The following RAP1GDS1 variants were observed in gnomAD, a reference collection of about 807,000 sequenced individuals.
RAP1GDS1 encodes Rap1 GTPase-GDP dissociation stimulator 1.
RAP1GDS1 carries 35 observed loss-of-function variants against 71.1 expected under a neutral mutation model. That is an observed-to-expected ratio of 0.49 (90% CI 0.38 to 0.65). The LOEUF is 0.65. RAP1GDS1 is among the 30% of genes least tolerant of loss of function. The probability of loss-of-function intolerance (pLI) is 0.00; values close to 1 mark genes in which losing one functional copy is unlikely to be tolerated. For missense variants in RAP1GDS1, 663 were observed against 706.1 expected (o/e 0.94, Z 0.69); for synonymous variants, 229 against 243.1 (o/e 0.94, Z 0.54).
In RAP1GDS1 at chr4:98,422,093, G is replaced by A. The variant is rs925855573; in HGVS notation, c.1440+699G>A. ...CGGGCACCTGTAGTCCCAGCTACTCGGGAGGCTGAGGCAGGAGAATGGCGT... is the reference window on the plus strand; with the variant it reads ...CGGGCACCTGTAGTCCCAGCTACTCAGGAGGCTGAGGCAGGAGAATGGCGT... On this transcript the variant is annotated intron_variant, in intron 12 of 14. Transcript: ENST00000408927. Among the ~76,000 whole-genome samples, 11 of 151,942 alleles carry A rather than the reference G, an allele frequency of 7.2e-5. No individual in the cohort carries two copies. The South Asian group carries it at 1.0e-3, about 14-fold the overall frequency.
chr4:98,406,994 A>C (rs899349013), intron 7 of RAP1GDS1, among the ~76,000 whole-genome samples: 5 of 152,122 alleles, frequency 3.3e-5, no homozygotes, highest in African/African-American at 4.8e-5. Flanking sequence ...ATTCAGAGGG[A>C]AATTTTTTGC....
intron 5 of RAP1GDS1, among the ~76,000 whole-genome samples, chr4:98,379,974 A>G (rs1741742437): frequency 6.6e-6 from 1 of 150,546 alleles, no homozygotes; most frequent in Non-Finnish European, 1.5e-5. Context: ...GACATGCAGT[A>G]TTATTCTTTA....
intron 7 of RAP1GDS1, among the ~76,000 whole-genome samples, chr4:98,405,543 G>T (rs1187132183): frequency 1.3e-5 from 2 of 152,006 alleles, no homozygotes; most frequent in Non-Finnish European, 2.9e-5. Context: ...GGAGGGGAGT[G>T]TGCAGAGGCA....
chr4:98,366,509 C>T lies in RAP1GDS1; in HGVS notation c.362-12508C>T, dbSNP rs148654741. Among the ~76,000 whole-genome samples, 660 of 152,130 alleles carry T rather than the reference C, an allele frequency of 4.3e-3. 4 individuals carry two copies. Among genetic ancestry groups the T allele is most frequent in the African/African-American group, 0.015 (612 of 41,506 alleles). Reference sequence around the variant, plus strand: ...GAAAAGATACCCGAAAATGTGGAAGCGACTTTGGAACTGGGTAGTAGGAAG... The same window carrying T: ...GAAAAGATACCCGAAAATGTGGAAGTGACTTTGGAACTGGGTAGTAGGAAG... On this transcript the variant is annotated intron_variant, in intron 4 of 14. Transcript: ENST00000408927.
At chr4:98,271,872 A>G (rs1723509016) in intron 1 of RAP1GDS1, among the ~76,000 whole-genome samples, 1 of 152,306 alleles carries the variant, frequency 6.6e-6, no homozygotes, top group Non-Finnish European at 1.5e-5. Context: ...TAATTTATCC[A>G]AGGGGACAAC....
Position 98,392,157 on chromosome 4 carries a change from A to C in RAP1GDS1, c.637+77A>C, listed in dbSNP as rs541218304. ...AATAAATTTTTCTGTAGATATTAAGAAGCTAGAAATCCATTTAGATTGTAT... is the reference window on the plus strand; with the variant it reads ...AATAAATTTTTCTGTAGATATTAAGCAGCTAGAAATCCATTTAGATTGTAT... On this transcript the variant is annotated intron_variant, in intron 6 of 14. Coordinates refer to ENST00000408927, the MANE Select transcript of RAP1GDS1 (RefSeq NM_001100427.2). The C allele has an allele frequency of 2.2e-4, 287 of 1,329,358 alleles. 5 individuals carry two copies. In the South Asian group the frequency reaches 4.2e-3, roughly 20 times the overall value. 82.3% of individuals were successfully genotyped at this position (1,329,358 alleles called of 1,614,324 possible).
chr4:98,270,049 G>T (rs1034466929), intron 1 of RAP1GDS1, among the ~76,000 whole-genome samples: 2 of 152,114 alleles, frequency 1.3e-5, no homozygotes, highest in Non-Finnish European at 2.9e-5. Context: ...TGCAGGTTTG[G>T]TCTTTGGTTT....
chr4:98,442,344 A>G lies in RAP1GDS1; in HGVS notation c.*227A>G, dbSNP rs551047577. 4.3e-6 allele frequency: 2 copies of G among 462,512 alleles called. No homozygotes were observed. Among genetic ancestry groups the G allele is most frequent in the African/African-American group, 3.9e-5 (2 of 51,844 alleles). The allele number at this position is 462,512 out of a possible 1,614,324, so 28.7% of individuals were successfully genotyped here. On this transcript the variant is annotated 3_prime_UTR_variant, in exon 15 of 15. Transcript: ENST00000408927. Reference sequence around the variant, plus strand: ...TCTCCACCCATAACCGTTCTCTTGTATTCCTGTTGCTTGAGCTACATTAAG... The same window carrying G: ...TCTCCACCCATAACCGTTCTCTTGTGTTCCTGTTGCTTGAGCTACATTAAG...
At chr4:98,410,533 C>T (rs762467696) in intron 7 of RAP1GDS1, among the ~76,000 whole-genome samples, 1 of 152,000 alleles carries the variant, frequency 6.6e-6, no homozygotes, top group Non-Finnish European at 1.5e-5. Flanking sequence ...AGCTTGTGCA[C>T]ATGTATACCA....
At chr4:98,266,067 A>G (rs1370932218) in intron 1 of RAP1GDS1, among the ~76,000 whole-genome samples, 1 of 152,152 alleles carries the variant, frequency 6.6e-6, no homozygotes, top group Non-Finnish European at 1.5e-5. Flanking sequence ...TGCATGACAG[A>G]TATTACATTT....
intron 4 of RAP1GDS1, among the ~76,000 whole-genome samples, chr4:98,369,502 G>A (rs1374243787): frequency 6.6e-6 from 1 of 152,068 alleles, no homozygotes; most frequent in Non-Finnish European, 1.5e-5. Context: ...AGATATAGCG[G>A]TATATCCAAA....
In RAP1GDS1 at chr4:98,379,171, A is replaced by T; in HGVS notation, c.508+8A>T. 2 of 1,561,534 alleles carry T rather than the reference A, an allele frequency of 1.3e-6. No individual in the cohort carries two copies. On this transcript the variant is annotated splice_region_variant and intron_variant, in intron 5 of 14. Transcript: ENST00000408927. ...ACTATAGCAATGAGAATGGTAAACA[A>T]AACTGAAAACTTGCTTTATCTCTGG...
At chr4:98,348,949 A>T (rs1362157492) in intron 3 of RAP1GDS1, among the ~76,000 whole-genome samples, 4 of 152,074 alleles carry the variant, frequency 2.6e-5, no homozygotes, top group Non-Finnish European at 5.9e-5. Context: ...TTTCTTTTGC[A>T]ATGCAGAAGC....
At chr4:98,296,939 C>G (rs575147384) in intron 2 of RAP1GDS1, 109 of 346,730 alleles carry the variant, frequency 3.1e-4, no homozygotes, top group Non-Finnish European at 4.8e-4. Context: ...TTTTGTGTTG[C>G]CGGGGGGACC....
chr4:98,323,900 A>AT (rs1413605235), intron 2 of RAP1GDS1, among the ~76,000 whole-genome samples: 37 of 139,558 alleles, frequency 2.7e-4, no homozygotes, highest in South Asian at 9.9e-4. Context: ...CCTATTCAAC[A>AT]TAGTGTTGGA....
In RAP1GDS1 at chr4:98,406,672, C is replaced by T. The variant is rs1443822555; in HGVS notation, c.763+2070C>T. Among the ~76,000 whole-genome samples, 8 of 151,956 alleles carry T rather than the reference C, an allele frequency of 5.3e-5. No homozygotes were observed. In the East Asian group the frequency reaches 1.5e-3, roughly 29 times the overall value. On this transcript the variant is annotated intron_variant, in intron 7 of 14. Transcript: ENST00000408927. Reference sequence around the variant, plus strand: ...TGATTAAGACAATTGATTTAATGGACCTATTTTAGAACACTTCAACTACAG... The same window carrying T: ...TGATTAAGACAATTGATTTAATGGATCTATTTTAGAACACTTCAACTACAG...
intron 4 of RAP1GDS1, among the ~76,000 whole-genome samples, chr4:98,370,144 T>TCTG (rs1740147374): frequency 6.6e-6 from 1 of 152,226 alleles, no homozygotes; most frequent in Non-Finnish European, 1.5e-5. Flanking sequence ...TGTCTTTGTA[T>TCTG]TCTCAGGACC....
At chr4:98,321,741 G>A (rs1282093020) in intron 2 of RAP1GDS1, among the ~76,000 whole-genome samples, 6 of 114,204 alleles carry the variant, frequency 5.3e-5, no homozygotes, top group Non-Finnish European at 1.8e-5. Context: ...TCACCACCAG[G>A]CCTGCCCTAA....
intron 1 of RAP1GDS1, among the ~76,000 whole-genome samples, chr4:98,280,237 C>T (rs1355000780): frequency 2.6e-5 from 4 of 152,102 alleles, no homozygotes; most frequent in Non-Finnish European, 5.9e-5. Context: ...AGTGTAAAAG[C>T]ATTCTTATTT....
Sources: allele counts gnomAD v4.1 joint callset (sites outside exome capture counted in the v4.1 genomes callset), GRCh38; gene constraint gnomAD v4.1.1; transcripts MANE v1.5; gene names NCBI Gene and HGNC (gene_info 2026-07-23, HGNC 2026-07-21).